HHAT: variants seen among roughly 807,000 people sequenced by gnomAD.
HHAT encodes the protein hedgehog acyltransferase.
A neutral mutation model predicts 70.8 loss-of-function variants in HHAT; 47 were observed. That is an observed-to-expected ratio of 0.66 (90% CI 0.53 to 0.85). The LOEUF (loss-of-function observed/expected upper bound fraction) is 0.85, where lower values mean the gene tolerates loss of function less well. HHAT is among the 40% of genes least tolerant of loss of function. The pLI, the probability that HHAT is intolerant of heterozygous loss-of-function variation, is 0.00. For missense variants in HHAT, 609 were observed against 604.8 expected (o/e 1.01, Z -0.07); for synonymous variants, 228 against 247.6 (o/e 0.92, Z 0.74).
intron 8 of HHAT, among the ~76,000 whole-genome samples, chr1:210,466,323 C>T (rs1429842881): frequency 3.3e-5 from 5 of 152,230 alleles, no homozygotes; most frequent in Non-Finnish European, 5.9e-5. Flanking sequence ...AAATATCACA[C>T]GTTGCCCTGT....
chr1:210,415,984 A>G (rs534040539), intron 6 of HHAT, among the ~76,000 whole-genome samples: 5 of 152,270 alleles, frequency 3.3e-5, no homozygotes, highest in Admixed American at 1.3e-4. Context: ...AAGTTAAAGC[A>G]ACAAGCTTTT....
intron 9 of HHAT, among the ~76,000 whole-genome samples, chr1:210,555,084 T>C (rs1413478590): frequency 6.6e-6 from 1 of 152,138 alleles, no homozygotes; most frequent in Admixed American, 6.5e-5. Context: ...ACCCAGGGAC[T>C]TGAAGGGGGA....
At chr1:210,478,958 A>G (rs1336614576) in intron 8 of HHAT, among the ~76,000 whole-genome samples, 1 of 152,022 alleles carries the variant, frequency 6.6e-6, no homozygotes, top group African/African-American at 2.4e-5. Context: ...CATCTGTGTC[A>G]TGCCATCTGA....
In HHAT at chr1:210,350,331, T is replaced by C. The variant is rs541504256; in HGVS notation, c.91+1265T>C. ...ACAATGGAATTTGCCAGGATTTTCA[T>C]TGTGGTTGCATTGAATCTATAGATT... On this transcript the variant is annotated intron_variant, in intron 2 of 11. Transcript: ENST00000261458. Among the ~76,000 whole-genome samples, 17 of 152,316 alleles carry C rather than the reference T, an allele frequency of 1.1e-4. No homozygotes were observed. The South Asian group carries it at 2.1e-3, about 19-fold the overall frequency.
intron 9 of HHAT, among the ~76,000 whole-genome samples, chr1:210,575,216 A>C (rs891225448): frequency 6.6e-6 from 1 of 151,852 alleles, no homozygotes; most frequent in African/African-American, 2.4e-5. Flanking sequence ...TGGCCCCTTT[A>C]CTTCTGGCTT....
At chr1:210,336,236 C>T (rs1571673118) in intron 1 of HHAT, among the ~76,000 whole-genome samples, 1 of 150,288 alleles carries the variant, frequency 6.7e-6, no homozygotes, top group African/African-American at 2.4e-5. Flanking sequence ...CCTGTCACTG[C>T]AGCCCACCTG....
intron 2 of HHAT, 86 bp from the exon 3 acceptor site, chr1:210,362,766 G>A (rs2088484528): frequency 9.2e-7 from 1 of 1,088,564 alleles, no homozygotes; most frequent in Non-Finnish European, 1.4e-6. Context: ...CCAGGACATA[G>A]TCCAATTCTT....
intron 11 of HHAT, among the ~76,000 whole-genome samples, chr1:210,638,287 T>A (rs556305814): frequency 1.5e-4 from 23 of 152,224 alleles, no homozygotes; most frequent in Non-Finnish European, 3.1e-4. Flanking sequence ...GTAGAAACAA[T>A]CCAAACATCT....
At chr1:210,639,475 T>A (rs1672569351) in intron 11 of HHAT, among the ~76,000 whole-genome samples, 1 of 152,208 alleles carries the variant, frequency 6.6e-6, no homozygotes, top group South Asian at 2.1e-4. Flanking sequence ...AACAGATGGA[T>A]GCATAGATGT....
At position 210,347,216 on chromosome 1, in the gene HHAT, T is replaced by G. The variant is rs146602454; in HGVS notation, c.-43-1717T>G. Among the ~76,000 whole-genome samples, 26 of 152,328 alleles carry G rather than the reference T, an allele frequency of 1.7e-4. No homozygotes were observed. In the East Asian group the frequency reaches 5.0e-3, roughly 29 times the overall value. On this transcript the variant is annotated intron_variant, in intron 1 of 11. Transcript: ENST00000261458. ...CCACTTCTGTGAGTTTGACTTTTTT[T>G]AGGTTTCACATATAAGTGAGATCAT...
At chr1:210,487,720 C>T (rs963526846) in intron 8 of HHAT, among the ~76,000 whole-genome samples, 6 of 152,128 alleles carry the variant, frequency 3.9e-5, no homozygotes, top group African/African-American at 1.4e-4. Context: ...TTTACCTTTC[C>T]CTCAGCTGCC....
At chr1:210,406,473 A>C (rs1218637247) in intron 6 of HHAT, among the ~76,000 whole-genome samples, 1 of 151,264 alleles carries the variant, frequency 6.6e-6, no homozygotes, top group African/African-American at 2.4e-5. Flanking sequence ...AGCTTACTGC[A>C]ACCTCCACCT....
chr1:210,594,347 G>A (rs1041593659), intron 10 of HHAT, among the ~76,000 whole-genome samples: 4 of 151,966 alleles, frequency 2.6e-5, no homozygotes, highest in Non-Finnish European at 5.9e-5. Flanking sequence ...ATTACCACGA[G>A]GCTTGCAAAT....
At chr1:210,567,943 A>C (rs947201107) in intron 9 of HHAT, among the ~76,000 whole-genome samples, 27 of 152,182 alleles carry the variant, frequency 1.8e-4, no homozygotes, top group African/African-American at 6.3e-4. Flanking sequence ...ACAACTCCTA[A>C]AATCCTTGGA....
chr1:210,544,497 C>T (rs771750286), intron 9 of HHAT, among the ~76,000 whole-genome samples: 4 of 151,542 alleles, frequency 2.6e-5, no homozygotes, highest in Non-Finnish European at 4.4e-5. Context: ...TTCAGCCTCC[C>T]GAGTAGCTGG....
At chr1:210,330,252 T>C (rs1234981492) in intron 1 of HHAT, among the ~76,000 whole-genome samples, 1 of 152,158 alleles carries the variant, frequency 6.6e-6, no homozygotes, top group Non-Finnish European at 1.5e-5. Context: ...CAGTCCCTAA[T>C]TGTGATTGTT....
intron 1 of HHAT, chr1:210,329,371 T>C: frequency 8.5e-7 from 1 of 1,172,494 alleles, no homozygotes; most frequent in African/African-American, 1.6e-5. Context: ...ACGTCCTCTC[T>C]CCTTGGCTTC....
chr1:210,368,018 T>A (rs943135390), intron 3 of HHAT, among the ~76,000 whole-genome samples: 1 of 150,722 alleles, frequency 6.6e-6, no homozygotes, highest in South Asian at 2.1e-4. Flanking sequence ...TCCCTTTTTC[T>A]TTCTTCTTGC....
At chr1:210,329,265 G>A in intron 1 of HHAT, 161 bp downstream of exon 1, 1 of 1,229,528 alleles carries the variant, frequency 8.1e-7, no homozygotes, top group South Asian at 4.0e-5. Flanking sequence ...TCCCGGTCGG[G>A]CGAAGAAGAC....
Sources: gnomAD v4.1 joint callset for allele counts (sites outside exome capture counted in the v4.1 genomes callset) on GRCh38, gnomAD v4.1.1 for gene constraint, MANE v1.5 for transcripts, NCBI Gene and HGNC (gene_info 2026-07-23, HGNC 2026-07-21) for gene names.